The following FUT8 variants were observed in gnomAD, a reference collection of about 807,000 sequenced individuals.
FUT8 encodes the protein fucosyltransferase 8.
Under a neutral mutation model 71.3 loss-of-function variants are expected in FUT8, and 29 were observed. The ratio of observed to expected loss-of-function variants is 0.41; its 90% CI spans 0.30 to 0.55. The LOEUF is 0.55. Among genes scored for constraint, FUT8 ranks in the 20% least tolerant of loss-of-function variants. The pLI is 0.34. For missense variants in FUT8, 544 were observed against 702.1 expected, an observed-to-expected ratio of 0.77 and a Z score of 2.55; for synonymous variants, 254 against 239.3, an observed-to-expected ratio of 1.06 and a Z score of -0.57.
chr14:65,478,652 G>A (rs1372272528), intron 2 of FUT8, among the ~76,000 whole-genome samples: 1 of 152,106 alleles, frequency 6.6e-6, no homozygotes, highest in Non-Finnish European at 1.5e-5. Flanking sequence ...TCCTGTCTAA[G>A]CAAACCAAAG....
intron 1 of FUT8, among the ~76,000 whole-genome samples, chr14:65,432,589 A>T (rs1039097974): frequency 2.6e-5 from 4 of 152,114 alleles, no homozygotes; most frequent in African/African-American, 9.7e-5. Context: ...GACAGTTAAG[A>T]CATTCTAAGT....
intron 2 of FUT8, among the ~76,000 whole-genome samples, chr14:65,528,480 T>C (rs1277437595): frequency 6.6e-6 from 1 of 152,206 alleles, no homozygotes; most frequent in Non-Finnish European, 1.5e-5. Flanking sequence ...GGGGATTTCC[T>C]GACCCCTTGA....
chr14:65,656,418 A>C (rs1267034741), intron 6 of FUT8, among the ~76,000 whole-genome samples: 1 of 152,208 alleles, frequency 6.6e-6, no homozygotes, highest in Non-Finnish European at 1.5e-5. Flanking sequence ...GTAACAAGAA[A>C]TTAACCAAAG....
chr14:65,575,119 A>T (rs1183504542), intron 3 of FUT8, among the ~76,000 whole-genome samples: 1 of 150,972 alleles, frequency 6.6e-6, no homozygotes, highest in Admixed American at 6.6e-5. Context: ...TTTATTTCTT[A>T]TAATAGTCTA....
intron 1 of FUT8, among the ~76,000 whole-genome samples, chr14:65,442,700 G>C (rs2065679710): frequency 1.3e-5 from 2 of 151,882 alleles, no homozygotes; most frequent in South Asian, 4.2e-4. Flanking sequence ...GCTGGGCATG[G>C]TGGTACTTGC....
chr14:65,412,375 G>A (rs1458122583), upstream of FUT8: 2 of 455,056 alleles, frequency 4.4e-6, no homozygotes, highest in South Asian at 1.6e-5. Flanking sequence ...GCACGGGCCG[G>A]TCCATTCCCG....
intron 2 of FUT8, among the ~76,000 whole-genome samples, chr14:65,525,256 A>G (rs559169174): frequency 2.6e-5 from 4 of 152,306 alleles, no homozygotes; most frequent in African/African-American, 7.2e-5. Context: ...TGATTGGTCT[A>G]TTCAGAGATT....
intron 1 of FUT8, among the ~76,000 whole-genome samples, chr14:65,434,694 G>A (rs150629475): frequency 5.8e-4 from 89 of 152,204 alleles, no homozygotes; most frequent in African/African-American, 2.0e-3. Flanking sequence ...TGTGTTAAGC[G>A]TTTTACATTT....
In FUT8 at chr14:65,473,874, C is replaced by G. The variant is rs556814485; in HGVS notation, c.-228+18156C>G. ...AGATGGTGAATTTGATGATTCTGACCCTACTTGCTCATCTGTAAAAGCTAT... is the reference window on the plus strand; with the variant it reads ...AGATGGTGAATTTGATGATTCTGACGCTACTTGCTCATCTGTAAAAGCTAT... On this transcript the variant is annotated intron_variant, in intron 2 of 10. Transcript: ENST00000673929. Among the ~76,000 whole-genome samples, 6 of 152,112 alleles carry G rather than the reference C, an allele frequency of 3.9e-5. No homozygotes were observed. The South Asian group carries it at 1.2e-3, about 32-fold the overall frequency.
At chr14:65,466,536 G>A (rs927986038) in intron 2 of FUT8, among the ~76,000 whole-genome samples, 1 of 152,138 alleles carries the variant, frequency 6.6e-6, no homozygotes, top group Admixed American at 6.5e-5. Context: ...GATCACCTGA[G>A]GTCAGGAGTT....
rs1186581700 is a variant in FUT8, at chr14:65,473,494, G to C, written c.-228+17776G>C. Among the ~76,000 whole-genome samples the C allele has an allele frequency of 2.6e-5, 4 of 152,054 alleles. No homozygotes were observed. The East Asian group carries it at 5.8e-4, about 22-fold the overall frequency. The stretch of plus-strand genomic sequence containing the variant: ...ATGCTTTTGGACTTACATTGCCACG[G>C]CAGTTTACACAGTTTTATTCCCAAA... On this transcript the variant is annotated intron_variant, in intron 2 of 10. Coordinates refer to ENST00000673929, the MANE Select transcript of FUT8 (RefSeq NM_001371533.1).
chr14:65,513,345 G>A (rs1008497859), intron 2 of FUT8, among the ~76,000 whole-genome samples: 1 of 152,154 alleles, frequency 6.6e-6, no homozygotes, highest in Middle Eastern at 3.2e-3. Context: ...CTGCTCTAGA[G>A]AAAATATCCT....
intron 9 of FUT8, 88 bp downstream of exon 9, chr14:65,724,411 A>G (rs1404905928): frequency 4.4e-5 from 34 of 766,192 alleles, no homozygotes; most frequent in South Asian, 2.7e-4. Context: ...TGATTTTTGT[A>G]TATTATTATT....
intron 2 of FUT8, among the ~76,000 whole-genome samples, chr14:65,539,864 T>A (rs10145996): frequency 0.041 from 6,185 of 152,300 alleles, 239 homozygotes; most frequent in South Asian, 0.17. Flanking sequence ...CCACACTGTG[T>A]AACTCCATTG....
At chr14:65,690,375 C>T (rs988028615) in intron 7 of FUT8, among the ~76,000 whole-genome samples, 1 of 152,056 alleles carries the variant, frequency 6.6e-6, no homozygotes, top group Non-Finnish European at 1.5e-5. Context: ...GGTGTTCTGC[C>T]TTTCTGTATA....
chr14:65,392,977 A>T, the FUT8 span, among the ~76,000 whole-genome samples: 3 of 152,246 alleles, frequency 2.0e-5, no homozygotes, highest in African/African-American at 7.2e-5. Context: ...AGTCAAATTT[A>T]ATGAGCATCT....
intron 6 of FUT8, among the ~76,000 whole-genome samples, chr14:65,650,298 C>CAAAAAAAAAAAAAA (rs869168766): frequency 2.5e-5 from 1 of 39,696 alleles, no homozygotes; most frequent in African/African-American, 1.3e-4. Context: ...GACTCTGTCT[C>CAAAAAAAAAAAAAA]AAAAAAAAAA....
chr14:65,478,029 G>C (rs2066274088), intron 2 of FUT8, among the ~76,000 whole-genome samples: 1 of 151,978 alleles, frequency 6.6e-6, no homozygotes, highest in Admixed American at 6.6e-5. Context: ...TCTAGAACCA[G>C]GTCTGTAAAA....
At chr14:65,466,569 G>A (rs940678438) in intron 2 of FUT8, among the ~76,000 whole-genome samples, 4 of 152,146 alleles carry the variant, frequency 2.6e-5, no homozygotes, top group Non-Finnish European at 4.4e-5. Context: ...GGCCAACATG[G>A]TGAAACCCTG....
Sources: allele counts gnomAD v4.1 joint callset (sites outside exome capture counted in the v4.1 genomes callset), GRCh38; gene constraint gnomAD v4.1.1; transcripts MANE v1.5; gene names NCBI Gene and HGNC (gene_info 2026-07-23, HGNC 2026-07-21).